Variants in ZFPM2 observed in about 807,000 individuals in gnomAD.
ZFPM2 encodes the protein zinc finger protein ZFPM2.
A neutral mutation model predicts 98.6 loss-of-function variants in ZFPM2; 20 were observed. The ratio of observed to expected loss-of-function variants is 0.20; its 90% CI spans 0.14 to 0.29. The LOEUF (loss-of-function observed/expected upper bound fraction) is 0.29, where lower values mean the gene tolerates loss of function less well. Among genes scored for constraint, ZFPM2 ranks in the 10% least tolerant of loss-of-function variants. The pLI is 1.00. For synonymous variants in ZFPM2, 518 were observed against 502.7 expected (o/e 1.03, Z -0.41); for missense variants, 1,310 against 1,388.6 (o/e 0.94, Z 0.90).
chr8:105,341,020 G>A (rs1201929136), intron 1 of ZFPM2, among the ~76,000 whole-genome samples: 1 of 151,908 alleles, frequency 6.6e-6, no homozygotes, highest in Non-Finnish European at 1.5e-5. Flanking sequence ...GGGGACAAAT[G>A]TCCCCTAGAG....
At chr8:105,344,898 C>T (rs1249083198) in intron 1 of ZFPM2, among the ~76,000 whole-genome samples, 6 of 151,840 alleles carry the variant, frequency 4.0e-5, no homozygotes, top group Middle Eastern at 3.2e-3. Flanking sequence ...ACTTTATATG[C>T]GTGGACATTT....
chr8:105,656,278 T>C (rs997018946), intron 5 of ZFPM2, among the ~76,000 whole-genome samples: 3 of 152,330 alleles, frequency 2.0e-5, no homozygotes, highest in Admixed American at 1.3e-4. Flanking sequence ...TGTTTTCTTA[T>C]TGACCCCTGG....
intron 3 of ZFPM2, among the ~76,000 whole-genome samples, chr8:105,526,494 A>AT (rs1346148112): frequency 6.6e-6 from 1 of 152,152 alleles, no homozygotes; most frequent in African/African-American, 2.4e-5. Context: ...GTTTGAAATC[A>AT]TTTTTTTCCT....
intron 3 of ZFPM2, among the ~76,000 whole-genome samples, chr8:105,446,470 C>A (rs781228214): frequency 7.9e-5 from 12 of 151,900 alleles, no homozygotes; most frequent in Admixed American, 2.0e-4. Flanking sequence ...TGCTGTACAC[C>A]CAGTGCTACC....
chr8:105,564,945 T>C (rs1361446815), intron 4 of ZFPM2, among the ~76,000 whole-genome samples: 3 of 152,108 alleles, frequency 2.0e-5, no homozygotes, highest in African/African-American at 7.2e-5. Context: ...ATATTCCTTA[T>C]AATAAAATAT....
intron 1 of ZFPM2, among the ~76,000 whole-genome samples, chr8:105,339,322 C>G (rs770733770): frequency 1.3e-5 from 2 of 151,660 alleles, no homozygotes; most frequent in Non-Finnish European, 2.9e-5. Context: ...AAGAAAAACA[C>G]CAATAGCATG....
chr8:105,531,977 T>A lies in ZFPM2; in HGVS notation c.302-29386T>A, dbSNP rs536159323. Among the ~76,000 whole-genome samples, 7 of 152,216 alleles carry A rather than the reference T, an allele frequency of 4.6e-5. No individual in the cohort carries two copies. In the East Asian group the frequency reaches 1.4e-3, roughly 29 times the overall value. ...GTGCAGTGGTGTGATCTCAGCTTAC[T>A]GCAACCTTTGTCTCCTGGGTTCAAG... is the stretch of plus-strand genomic sequence containing the variant. On this transcript the variant is annotated intron_variant, in intron 3 of 7. Transcript: ENST00000407775.
intron 5 of ZFPM2, among the ~76,000 whole-genome samples, chr8:105,688,911 A>C (rs1189196862): frequency 6.6e-6 from 1 of 152,206 alleles, no homozygotes; most frequent in African/African-American, 2.4e-5. Context: ...TATGAGAAGC[A>C]TACCAATACA....
At chr8:105,673,246 G>A (rs1817629748) in intron 5 of ZFPM2, among the ~76,000 whole-genome samples, 1 of 87,710 alleles carries the variant, frequency 1.1e-5, no homozygotes, top group Non-Finnish European at 2.2e-5. Flanking sequence ...CTAAAATTTA[G>A]TAACAATCAA....
chr8:105,444,234 A>G (rs1222813216), intron 2 of ZFPM2, 46 bp from the exon 3 acceptor site: 2 of 1,470,016 alleles, frequency 1.4e-6, no homozygotes, highest in Admixed American at 1.9e-5. Context: ...TGTGAAAGAG[A>G]GAGCTTTGCT....
intron 4 of ZFPM2, among the ~76,000 whole-genome samples, chr8:105,608,908 A>G (rs1816250070): frequency 6.6e-6 from 1 of 152,092 alleles, no homozygotes; most frequent in African/African-American, 2.4e-5. Context: ...TTAGTCATAA[A>G]GTATTTATTG....
intron 3 of ZFPM2, among the ~76,000 whole-genome samples, chr8:105,500,048 G>A (rs768244016): frequency 6.6e-6 from 1 of 152,154 alleles, no homozygotes; most frequent in Non-Finnish European, 1.5e-5. Context: ...TTGCAGAGAA[G>A]AATCAATTGG....
intron 3 of ZFPM2, among the ~76,000 whole-genome samples, chr8:105,451,277 A>G (rs1350675623): frequency 1.3e-5 from 2 of 152,158 alleles, no homozygotes; most frequent in Non-Finnish European, 2.9e-5. Flanking sequence ...GTACTGGAAA[A>G]TGGATACAGT....
intron 1 of ZFPM2, among the ~76,000 whole-genome samples, chr8:105,402,721 A>T (rs1468042780): frequency 6.6e-6 from 1 of 151,990 alleles, no homozygotes; most frequent in Non-Finnish European, 1.5e-5. Flanking sequence ...TGACATTTAT[A>T]AAAAAAATCC....
intron 3 of ZFPM2, among the ~76,000 whole-genome samples, chr8:105,508,934 C>G (rs796651848): frequency 6.6e-6 from 1 of 151,618 alleles, no homozygotes; most frequent in Admixed American, 6.6e-5. Flanking sequence ...TTTAAGCTAC[C>G]CCAGCAGAAA....
intron 3 of ZFPM2, among the ~76,000 whole-genome samples, chr8:105,520,087 G>GAAATAGGAACAAAAATA (rs1814017949): frequency 6.6e-6 from 1 of 151,842 alleles, no homozygotes; most frequent in Non-Finnish European, 1.5e-5. Flanking sequence ...CTATACCAAA[G>GAAATAGGAACAAAAATA]GGAACAAAAA....
intron 1 of ZFPM2, among the ~76,000 whole-genome samples, chr8:105,364,271 G>C (rs2129777104): frequency 6.6e-6 from 1 of 152,058 alleles, no homozygotes; most frequent in Non-Finnish European, 1.5e-5. Context: ...TTGGTTGATT[G>C]GGGGAGGGGA....
At chr8:105,624,221 C>T (rs185268065) in intron 4 of ZFPM2, among the ~76,000 whole-genome samples, 36 of 152,246 alleles carry the variant, frequency 2.4e-4, no homozygotes, top group Admixed American at 1.1e-3. Context: ...AAGGGGTACT[C>T]GAGAGCAATT....
chr8:105,691,388 A>G (rs1311457680), intron 5 of ZFPM2, among the ~76,000 whole-genome samples: 1 of 142,308 alleles, frequency 7.0e-6, no homozygotes, highest in Non-Finnish European at 1.5e-5. Flanking sequence ...AGCCGGGACT[A>G]CGGGCGCCCG....
Sources: allele counts gnomAD v4.1 joint callset (sites outside exome capture counted in the v4.1 genomes callset), GRCh38; gene constraint gnomAD v4.1.1; transcripts MANE v1.5; gene names NCBI Gene and HGNC (gene_info 2026-07-23, HGNC 2026-07-21).